KHDRBS2: variants seen among roughly 807,000 people sequenced by gnomAD.
KHDRBS2 encodes the protein KH RNA binding domain containing, signal transduction associated 2, also known as KH domain-containing, RNA-binding, signal transduction-associated protein 2.
A neutral mutation model predicts 44.3 loss-of-function variants in KHDRBS2; 26 were observed. The observed-to-expected ratio is 0.59, with a 90% CI of 0.43 to 0.81. The LOEUF (loss-of-function observed/expected upper bound fraction) is 0.81. Ranked by LOEUF, KHDRBS2 falls within the 40% of genes least tolerant of loss-of-function variation. The pLI is 0.00. For synonymous variants in KHDRBS2, 194 were observed against 151.1 expected, an observed-to-expected ratio of 1.28 and a Z score of -2.08; for missense variants, 476 against 433.1, an observed-to-expected ratio of 1.10 and a Z score of -0.88.
At chr6:61,890,781 T>C (rs1017273474) in intron 6 of KHDRBS2, among the ~76,000 whole-genome samples, 2 of 151,110 alleles carry the variant, frequency 1.3e-5, no homozygotes, top group African/African-American at 4.8e-5. Context: ...GGCTAGTCCC[T>C]GAGTTTTTTT....
At chr6:62,000,371 C>T (rs955304640) in intron 3 of KHDRBS2, among the ~76,000 whole-genome samples, 27 of 152,142 alleles carry the variant, frequency 1.8e-4, no homozygotes, top group Non-Finnish European at 3.5e-4. Flanking sequence ...AACACAGAGT[C>T]TAACAAAATA....
chr6:62,109,774 TAAC>T (rs954724615), intron 2 of KHDRBS2, among the ~76,000 whole-genome samples: 1 of 143,826 alleles, frequency 7.0e-6, no homozygotes, highest in Non-Finnish European at 1.5e-5. Context: ...TAAAGGAAGA[TAAC>T]AAGGAAGAAA....
the KHDRBS2 span, among the ~76,000 whole-genome samples, chr6:61,572,339 A>T: frequency 6.6e-6 from 1 of 152,142 alleles, no homozygotes; most frequent in African/African-American, 2.4e-5. Context: ...AACAATTGCC[A>T]ACAAATAAAA....
chr6:61,638,727 T>G, the KHDRBS2 span, among the ~76,000 whole-genome samples: 3 of 152,246 alleles, frequency 2.0e-5, no homozygotes, highest in East Asian at 5.8e-4. Context: ...AAGAGAGAAT[T>G]TATAGTTCAA....
chr6:61,790,404 A>C (rs1784443054), intron 6 of KHDRBS2, among the ~76,000 whole-genome samples: 1 of 139,524 alleles, frequency 7.2e-6, no homozygotes, highest in East Asian at 2.0e-4. Context: ...CTTACTTGGG[A>C]CTTAAAAAAA....
intron 2 of KHDRBS2, among the ~76,000 whole-genome samples, chr6:62,141,023 G>A (rs1812693558): frequency 6.6e-6 from 1 of 152,098 alleles, no homozygotes; most frequent in South Asian, 2.1e-4. Context: ...GGGGTGTTTG[G>A]AAATATATGA....
chr6:62,106,830 A>G (rs532005559), intron 2 of KHDRBS2, among the ~76,000 whole-genome samples: 4 of 152,256 alleles, frequency 2.6e-5, no homozygotes, highest in South Asian at 4.1e-4. Context: ...AAACAGAACC[A>G]AAGACAAAAA....
In KHDRBS2 at chr6:62,244,466, A is replaced by G. The variant is rs1025527264; in HGVS notation, c.91+41392T>C. On this transcript the variant is annotated intron_variant, in intron 1 of 8. Transcript: ENST00000281156. ...AGAGAGAAGTGAGAGAAGAGTAACAAGTGTCAACATTATGACATAATAAAG... is the reference window on the plus strand; with the variant it reads ...AGAGAGAAGTGAGAGAAGAGTAACAGGTGTCAACATTATGACATAATAAAG... Among the ~76,000 whole-genome samples the G allele has an allele frequency of 6.6e-5, 10 of 152,286 alleles. No homozygotes were observed. The South Asian group carries it at 8.3e-4, about 13-fold the overall frequency.
At chr6:61,647,111 GC>G in the KHDRBS2 span, among the ~76,000 whole-genome samples, 1 of 144,638 alleles carries the variant, frequency 6.9e-6, no homozygotes, top group African/African-American at 2.4e-5. Context: ...GAGCCACTGT[GC>G]CTGGCCCATA....
intron 1 of KHDRBS2, among the ~76,000 whole-genome samples, chr6:62,252,653 A>T (rs187825360): frequency 6.6e-6 from 1 of 152,154 alleles, no homozygotes; most frequent in East Asian, 1.9e-4. Context: ...TTTCACAGAG[A>T]AAGTTAAAAT....
chr6:61,657,243 T>A, the KHDRBS2 span, among the ~76,000 whole-genome samples: 6 of 152,162 alleles, frequency 3.9e-5, no homozygotes, highest in African/African-American at 1.2e-4. Flanking sequence ...CTAAGCATTG[T>A]AAGATGCCCT....
intron 2 of KHDRBS2, among the ~76,000 whole-genome samples, chr6:62,081,585 G>A (rs1167112518): frequency 4.6e-5 from 7 of 152,068 alleles, no homozygotes. Flanking sequence ...CAAGTTCTCT[G>A]TTAAAGCAGA....
chr6:62,238,104 C>T (rs575982648), intron 1 of KHDRBS2, among the ~76,000 whole-genome samples: 21 of 151,044 alleles, frequency 1.4e-4, no homozygotes, highest in Admixed American at 2.6e-4. Flanking sequence ...GCAAAGATAG[C>T]GCTTAAAAAT....
intron 7 of KHDRBS2, among the ~76,000 whole-genome samples, chr6:61,722,626 G>T (rs1255552594): frequency 6.6e-6 from 1 of 151,820 alleles, no homozygotes; most frequent in Admixed American, 6.6e-5. Flanking sequence ...TTCAAAATCA[G>T]CATTTCTTCT....
At chr6:62,087,495 T>TA (rs1172662783) in intron 2 of KHDRBS2, among the ~76,000 whole-genome samples, 3 of 151,402 alleles carry the variant, frequency 2.0e-5, no homozygotes, top group South Asian at 4.2e-4. Flanking sequence ...CAAAAAGAAA[T>TA]AAAAAAAGAT....
intron 2 of KHDRBS2, among the ~76,000 whole-genome samples, chr6:62,113,285 C>A (rs1584782300): frequency 6.6e-6 from 1 of 151,956 alleles, no homozygotes; most frequent in Admixed American, 6.6e-5. Flanking sequence ...ACTCAGGCAA[C>A]CAAGATCTAA....
intron 2 of KHDRBS2, among the ~76,000 whole-genome samples, chr6:62,099,148 C>A (rs1371884443): frequency 1.3e-5 from 2 of 152,048 alleles, no homozygotes; most frequent in African/African-American, 2.4e-5. Context: ...TATCCGGTAC[C>A]TTATTAGGTC....
At chr6:61,586,830 C>A in the KHDRBS2 span, among the ~76,000 whole-genome samples, 1 of 152,102 alleles carries the variant, frequency 6.6e-6, no homozygotes, top group African/African-American at 2.4e-5. Flanking sequence ...TCTCCACATG[C>A]CTGAAGCCAG....
the KHDRBS2 span, among the ~76,000 whole-genome samples, chr6:61,558,883 T>C: frequency 6.6e-6 from 1 of 152,146 alleles, no homozygotes; most frequent in Non-Finnish European, 1.5e-5. Flanking sequence ...GAAAGGAATA[T>C]GTGTTCTGCA....
Sources: allele counts gnomAD v4.1 joint callset (sites outside exome capture counted in the v4.1 genomes callset), GRCh38; gene constraint gnomAD v4.1.1; transcripts MANE v1.5; gene names NCBI Gene and HGNC (gene_info 2026-07-23, HGNC 2026-07-21).